FBXO10: variants seen among roughly 807,000 people sequenced by gnomAD.
FBXO10 encodes the protein F-box only protein 10.
A neutral mutation model predicts 80.7 loss-of-function variants in FBXO10; 39 were observed. The ratio of observed to expected loss-of-function variants is 0.48; its 90% CI spans 0.37 to 0.63. The LOEUF (loss-of-function observed/expected upper bound fraction) is 0.63. Ranked by LOEUF, FBXO10 falls within the 30% of genes least tolerant of loss-of-function variation. FBXO10 has a pLI of 0.00. For missense variants in FBXO10, 1,025 were observed against 1,269.0 expected (o/e 0.81, Z 2.92); for synonymous variants, 449 against 489.6 (o/e 0.92, Z 1.09).
At chr9:37,548,609 C>T (rs1233476521) in intron 1 of FBXO10, among the ~76,000 whole-genome samples, 2 of 151,478 alleles carry the variant, frequency 1.3e-5, no homozygotes, top group Admixed American at 1.3e-4. Flanking sequence ...TTCTTTTCTC[C>T]CTCCTTCCCT....
At chr9:37,547,259 C>T (rs10125441) in intron 1 of FBXO10, among the ~76,000 whole-genome samples, 17,348 of 152,128 alleles carry the variant, frequency 0.11, 1,873 homozygotes, top group African/African-American at 0.29. Context: ...AAGGGATAAA[C>T]CATTGATGTA....
At position 37,544,299 on chromosome 9, in the gene FBXO10, G is replaced by A. The variant is rs1338454271; in HGVS notation, c.-6-2525C>T. On this transcript the variant is annotated intron_variant, in intron 1 of 10. Transcript: ENST00000432825. Reference sequence around the variant, plus strand: ...AAAACAAAAATTAGCCAGGTGTGGTGGTGGGCACCTGTAATCTCAGCTACT... The same window carrying A: ...AAAACAAAAATTAGCCAGGTGTGGTAGTGGGCACCTGTAATCTCAGCTACT... Among the ~76,000 whole-genome samples, 4 of 152,100 alleles carry A rather than the reference G, an allele frequency of 2.6e-5. No individual in the cohort carries two copies. The South Asian group carries it at 6.2e-4, about 24-fold the overall frequency.
intron 1 of FBXO10, among the ~76,000 whole-genome samples, chr9:37,569,059 A>G (rs1374463733): frequency 6.6e-6 from 1 of 152,162 alleles, no homozygotes; most frequent in Non-Finnish European, 1.5e-5. Context: ...TGTTCTAATT[A>G]AAAGACAGAG....
intron 6 of FBXO10, among the ~76,000 whole-genome samples, chr9:37,524,620 C>T (rs939215668): frequency 6.6e-6 from 1 of 152,134 alleles, no homozygotes; most frequent in Non-Finnish European, 1.5e-5. Context: ...CACCACAAAC[C>T]ACTAAGAAAT....
intron 1 of FBXO10, among the ~76,000 whole-genome samples, chr9:37,557,176 T>A (rs1215841222): frequency 1.3e-5 from 2 of 152,222 alleles, no homozygotes; most frequent in Non-Finnish European, 2.9e-5. Context: ...ATGATGCCAA[T>A]AAGTGATGAT....
intron 1 of FBXO10, among the ~76,000 whole-genome samples, chr9:37,559,233 C>T (rs898412794): frequency 1.3e-5 from 2 of 152,180 alleles, no homozygotes; most frequent in African/African-American, 4.8e-5. Context: ...CTCAGACCTC[C>T]AGAATCAGAA....
Position 37,556,963 on chromosome 9 carries a change from T to C in FBXO10, c.-6-15189A>G, listed in dbSNP as rs548003783. ...GCATCCTCCACTGGATTGTTTACGA[T>C]AGGGACTGGGTACTTTTCTCTCTGA... On this transcript the variant is annotated intron_variant, in intron 1 of 10. Transcript: ENST00000432825. Among the ~76,000 whole-genome samples the C allele has an allele frequency of 3.9e-5, 6 of 152,368 alleles. No individual in the cohort carries two copies. The South Asian group carries it at 8.3e-4, about 21-fold the overall frequency.
intron 1 of FBXO10, among the ~76,000 whole-genome samples, chr9:37,565,438 C>A (rs565534291): frequency 6.6e-6 from 1 of 152,132 alleles, no homozygotes; most frequent in African/African-American, 2.4e-5. Context: ...TTGAGGGGCA[C>A]AATATTAAGT....
At chr9:37,564,608 T>C (rs1822560621) in intron 1 of FBXO10, among the ~76,000 whole-genome samples, 1 of 152,232 alleles carries the variant, frequency 6.6e-6, no homozygotes, top group Non-Finnish European at 1.5e-5. Flanking sequence ...ATATGAGACA[T>C]GCAGTCAAAG....
At chr9:37,542,288 T>C (rs1821940180) in intron 1 of FBXO10, among the ~76,000 whole-genome samples, 1 of 151,950 alleles carries the variant, frequency 6.6e-6, no homozygotes, top group Non-Finnish European at 1.5e-5. Context: ...TTCTCTATGG[T>C]CAGATGTTAT....
At chr9:37,519,162 GC>G (rs1297090948) in intron 8 of FBXO10, among the ~76,000 whole-genome samples, 2 of 152,200 alleles carry the variant, frequency 1.3e-5, no homozygotes, top group Non-Finnish European at 2.9e-5. Context: ...ACCTGCCTCG[GC>G]CTCCCAAAGT....
At chr9:37,548,338 T>C (rs1238045001) in intron 1 of FBXO10, among the ~76,000 whole-genome samples, 2 of 152,158 alleles carry the variant, frequency 1.3e-5, no homozygotes, top group Non-Finnish European at 2.9e-5. Context: ...TGAGCTGAGA[T>C]TGTGCCACTG....
chr9:37,521,728 C>G lies in FBXO10; in HGVS notation c.2041G>C (p.Gly681Arg). 1 of 1,613,902 alleles carries G rather than the reference C, an allele frequency of 6.2e-7. No individual in the cohort carries two copies. The highest frequency in any genetic ancestry group is 1.1e-5 in the South Asian group (1 of 91,080). ...YGVAVFSQKD[G>R]SSELPRGHRA... ...TGGCCTCGAGGTAACTCGCTGGAGC[C>G]ATCCTTCTGGCTAAATACTGCCACT... Residue 681 changes from glycine (G) to arginine (R), a missense_variant, in exon 8 of 11, where the codon GGC (glycine) becomes CGC (arginine). Gly to Arg is a moderately radical substitution (Grantham distance 125, BLOSUM62 -2). Transcript: ENST00000432825.
chr9:37,528,161 G>A (rs909277028), intron 5 of FBXO10, among the ~76,000 whole-genome samples: 4 of 152,138 alleles, frequency 2.6e-5, no homozygotes, highest in Admixed American at 6.5e-5. Context: ...ATGAGTCCCC[G>A]CTGTGTAGAC....
At position 37,551,044 on chromosome 9, in the gene FBXO10, G is replaced by A. The variant is rs139620379; in HGVS notation, c.-6-9270C>T. The stretch of plus-strand genomic sequence containing the variant: ...ACAAGCTATGTGCTTCCAAAATACA[G>A]TGGTGGGATAGCACAGGACAGACAT... On this transcript the variant is annotated intron_variant, in intron 1 of 10. Transcript: ENST00000432825. Among the ~76,000 whole-genome samples the A allele has an allele frequency of 2.5e-3, 378 of 152,340 alleles. 4 individuals carry two copies. The highest frequency in any genetic ancestry group is 8.5e-3 in the African/African-American group (354 of 41,584).
chr9:37,570,337 A>T (rs1822720879), intron 1 of FBXO10, among the ~76,000 whole-genome samples: 1 of 152,154 alleles, frequency 6.6e-6, no homozygotes, highest in South Asian at 2.1e-4. Context: ...GAAAAGAAAT[A>T]AACAACAGAG....
rs149367369 is a variant in FBXO10 at position 37,553,190 on chromosome 9, C to T, written c.-6-11416G>A. 1.9e-3 allele frequency among the ~76,000 whole-genome samples: 292 copies of T among 152,028 alleles called. 8 individuals carry two copies. The East Asian group carries it at 0.043, about 22-fold the overall frequency. On this transcript the variant is annotated intron_variant, in intron 1 of 10. Coordinates refer to ENST00000432825, the MANE Select transcript of FBXO10 (RefSeq NM_012166.3). ...CCGAGTAGCTGGGACTACAGGCACG[C>T]GCCACCATGCCCAGCTAATTTTTGT...
chr9:37,572,958 G>A (rs981247992), intron 1 of FBXO10, among the ~76,000 whole-genome samples: 2 of 152,050 alleles, frequency 1.3e-5, no homozygotes, highest in Non-Finnish European at 2.9e-5. Context: ...TCCCTAACAG[G>A]GTACATGCCA....
chr9:37,521,718 T>G lies in FBXO10; in HGVS notation c.2051A>C (p.Glu684Ala). Residue 684 changes from glutamate to alanine, a missense_variant, in exon 8 of 11, where the codon GAG (glutamate) becomes GCG (alanine). This residue lies in a region of FBXO10 where 478 missense variants were observed against 667.8 expected (regional missense o/e 0.72). Transcript: ENST00000432825. ...TTGAGCCCTGTGGCCTCGAGGTAAC[T>G]CGCTGGAGCCATCCTTCTGGCTAAA... Reference protein sequence around the residue: ...AVFSQKDGSSELPRGHRAQEN... With the variant: ...AVFSQKDGSSALPRGHRAQEN... The G allele has an allele frequency of 6.2e-7, 1 of 1,613,992 alleles. No homozygotes were observed. Among genetic ancestry groups the G allele is most frequent in the Non-Finnish European group, 8.5e-7 (1 of 1,179,894 alleles).
Sources: allele counts gnomAD v4.1 joint callset (sites outside exome capture counted in the v4.1 genomes callset), GRCh38; gene constraint gnomAD v4.1.1; regional missense constraint gnomAD v4.1.1; transcripts MANE v1.5; gene names NCBI Gene and HGNC (gene_info 2026-07-23, HGNC 2026-07-21).